Variants in SLC30A10 observed in about 807,000 individuals in gnomAD.
SLC30A10 encodes the protein calcium/manganese antiporter SLC30A10.
Under a neutral mutation model 21.7 loss-of-function variants are expected in SLC30A10, and 8 were observed. That is an observed-to-expected ratio of 0.37 (90% CI 0.22 to 0.67). SLC30A10 has a LOEUF of 0.67. SLC30A10 is among the 30% of genes least tolerant of loss of function. The probability of loss-of-function intolerance (pLI) is 0.58; values close to 1 mark genes in which losing one functional copy is unlikely to be tolerated. For missense variants in SLC30A10, 521 were observed against 642.5 expected, an observed-to-expected ratio of 0.81 and a Z score of 2.04; for synonymous variants, 272 against 279.4, an observed-to-expected ratio of 0.97 and a Z score of 0.26.
intron 1 of SLC30A10, among the ~76,000 whole-genome samples, chr1:219,935,735 A>G (rs1316392510): frequency 6.6e-6 from 1 of 152,224 alleles, no homozygotes. Flanking sequence ...GTCATACCCA[A>G]AACTATTGTT....
chr1:219,923,069 G>C (rs546155537), intron 2 of SLC30A10, among the ~76,000 whole-genome samples: 6 of 152,144 alleles, frequency 3.9e-5, no homozygotes, highest in African/African-American at 1.4e-4. Flanking sequence ...GTGAAGAGAA[G>C]GGCAGAAATG....
At chr1:219,939,703 C>G (rs1014038735) in intron 1 of SLC30A10, among the ~76,000 whole-genome samples, 1 of 152,212 alleles carries the variant, frequency 6.6e-6, no homozygotes, top group African/African-American at 2.4e-5. Context: ...GCTGGGATTA[C>G]AGGTGTGAGC....
rs758904804 is a variant in SLC30A10, at chr1:219,928,087, G to A, written c.354C>T (p.Ile118=). 9.5e-6 allele frequency: 15 copies of A among 1,586,414 alleles called. No homozygotes were observed. The East Asian group carries it at 2.8e-4, about 30-fold the overall frequency. The part of the protein sequence containing the change: ...ERIDDPELVL[I]VGVLGLLVNV... ...TGACCAACAGCCCCAGGACGCCGAC[G>A]ATGAGCACCAGCTCGGGGTCATCGA... Residue 118 remains isoleucine, a synonymous_variant, in exon 1 of 4, where the codon ATC becomes ATT. Coordinates refer to ENST00000366926, the MANE Select transcript of SLC30A10 (RefSeq NM_018713.3). This position sits in a 1 kb window ranked among gnomAD's most constrained non-coding sequence, Gnocchi z 6.3.
chr1:219,939,357 C>A (rs1381390911), intron 1 of SLC30A10, among the ~76,000 whole-genome samples: 2 of 152,202 alleles, frequency 1.3e-5, no homozygotes, highest in Admixed American at 6.5e-5. Flanking sequence ...TTGGGGAATA[C>A]AACAGTTATT....
chr1:219,925,651 A>ATATATATATCTTTTTTTTT (rs1317554458), intron 2 of SLC30A10, among the ~76,000 whole-genome samples: 1 of 48,284 alleles, frequency 2.1e-5, no homozygotes, highest in African/African-American at 1.2e-4. Flanking sequence ...ATATATATAT[A>ATATATATATCTTTTTTTTT]TTTTTTTTTT....
At chr1:219,940,873 A>G (rs1498385) in intron 1 of SLC30A10, among the ~76,000 whole-genome samples, 24,609 of 152,158 alleles carry the variant, frequency 0.16, 3,606 homozygotes, top group African/African-American at 0.39. Flanking sequence ...CAGAGAGGTG[A>G]GGGTTGATCA....
intron 2 of SLC30A10, among the ~76,000 whole-genome samples, chr1:219,921,216 G>A (rs1013787627): frequency 6.6e-6 from 1 of 152,194 alleles, no homozygotes; most frequent in Non-Finnish European, 1.5e-5. Context: ...CTGGAGTGAT[G>A]AGTCCCGGAA....
rs116545696 is a variant in SLC30A10, at chr1:219,941,111, C to T, written n.81-14006G>A. On this transcript the variant is annotated intron_variant and non_coding_transcript_variant, in intron 1 of 8. Transcript: ENST00000484239. ...CCATTAACAACCTAACTGAGCCTTC[C>T]TGAGAGGAGAAGGAGAACACAGAAG... Among the ~76,000 whole-genome samples, 629 of 152,304 alleles carry T rather than the reference C, an allele frequency of 4.1e-3. 4 individuals are homozygous for T. Among genetic ancestry groups the T allele is most frequent in the African/African-American group, 0.014 (601 of 41,546 alleles).
At chr1:219,932,705 C>CT (rs58052957), upstream of SLC30A10, among the ~76,000 whole-genome samples, 6,195 of 64,928 alleles carry the variant, frequency 0.095, 1,277 homozygotes, top group East Asian at 0.2. Flanking sequence ...AGTAACCATT[C>CT]TTTTTTTTTT....
chr1:219,947,400 GCA>G (rs1660200562), intron 1 of SLC30A10, among the ~76,000 whole-genome samples: 1 of 152,068 alleles, frequency 6.6e-6, no homozygotes, highest in Non-Finnish European at 1.5e-5. Flanking sequence ...GGTATGGTTG[GCA>G]GGCACCTGTG....
chr1:219,912,790 C>G lies in SLC30A10; in HGVS notation c.*2659G>C, dbSNP rs903836504. Among the ~76,000 whole-genome samples, 1 of 151,960 alleles carries G rather than the reference C, an allele frequency of 6.6e-6. No individual in the cohort carries two copies. The highest frequency in any genetic ancestry group is 6.6e-5 in the Admixed American group (1 of 15,250). ...CAGAGCTTGCAGTGAGCCGAGATAG[C>G]ACCACTGCACTCCAGCCTGGGCGAC... On this transcript the variant is annotated 3_prime_UTR_variant, in exon 4 of 4. Coordinates refer to ENST00000366926, the MANE Select transcript of SLC30A10 (RefSeq NM_018713.3).
chr1:219,946,912 T>C (rs1044372519), intron 1 of SLC30A10, among the ~76,000 whole-genome samples: 1 of 152,210 alleles, frequency 6.6e-6, no homozygotes, highest in African/African-American at 2.4e-5. Context: ...ATGAATGAAG[T>C]TGTTTATTGG....
chr1:219,912,661 G>A lies in SLC30A10; in HGVS notation c.*2788C>T, dbSNP rs201845320. Reference sequence around the variant, plus strand: ...CATCCTGGCTAACATGGTGAAACCCGGTCTCTACTAAAAATACAAAAAATT... The same window carrying A: ...CATCCTGGCTAACATGGTGAAACCCAGTCTCTACTAAAAATACAAAAAATT... On this transcript the variant is annotated 3_prime_UTR_variant, in exon 4 of 4. Transcript: ENST00000366926. 1.3e-5 allele frequency among the ~76,000 whole-genome samples: 2 copies of A among 151,916 alleles called. No homozygotes were observed. Among genetic ancestry groups the A allele is most frequent in the Admixed American group, 6.6e-5 (1 of 15,234 alleles).
At chr1:219,933,221 G>C (rs531033688), upstream of SLC30A10, among the ~76,000 whole-genome samples, 1 of 151,896 alleles carries the variant, frequency 6.6e-6, no homozygotes, top group Non-Finnish European at 1.5e-5. Flanking sequence ...TCACCCAAAC[G>C]CCACCTCCAT....
At chr1:219,945,936 A>C (rs761135821) in intron 1 of SLC30A10, among the ~76,000 whole-genome samples, 1 of 152,152 alleles carries the variant, frequency 6.6e-6, no homozygotes, top group Admixed American at 6.6e-5. Context: ...AGGAACTCCA[A>C]CTCCACCAGG....
At chr1:219,919,776 CA>C (rs34386881) in intron 2 of SLC30A10, among the ~76,000 whole-genome samples, 51,586 of 114,388 alleles carry the variant, frequency 0.45, 9,386 homozygotes, top group African/African-American at 0.51. Flanking sequence ...AACTCTGTCT[CA>C]AAAAAAAAAA....
At chr1:219,921,872 AGTGTGTGTGTGTGT>A (rs72517767) in intron 2 of SLC30A10, among the ~76,000 whole-genome samples, 3 of 139,404 alleles carry the variant, frequency 2.2e-5, no homozygotes, top group African/African-American at 2.8e-5. Flanking sequence ...GGTGTCTCTG[AGTGTGTGTGTGTGT>A]GTGTGTGTGT....
rs1300345696 is a variant in SLC30A10, at chr1:219,910,947, C to A, written c.*4502G>T. On this transcript the variant is annotated 3_prime_UTR_variant, in exon 4 of 4. Transcript: ENST00000366926. ...TTACATTGAGGATTATCTTTCAATGCAATTTCCACTTGAGAAACTAAATTC... is the reference window on the plus strand; with the variant it reads ...TTACATTGAGGATTATCTTTCAATGAAATTTCCACTTGAGAAACTAAATTC... Among the ~76,000 whole-genome samples, 1 of 152,184 alleles carries A rather than the reference C, an allele frequency of 6.6e-6. No individual in the cohort carries two copies. Among genetic ancestry groups the A allele is most frequent in the Admixed American group, 6.5e-5 (1 of 15,282 alleles).
chr1:219,955,997 T>C (rs1294806637), intron 1 of SLC30A10, among the ~76,000 whole-genome samples: 2 of 152,194 alleles, frequency 1.3e-5, no homozygotes, highest in Admixed American at 6.5e-5. Context: ...ATTTATGACG[T>C]TCGTCTGATG....
Sources: gnomAD v4.1 joint callset for allele counts (sites outside exome capture counted in the v4.1 genomes callset) on GRCh38, gnomAD v4.1.1 for gene constraint, Gnocchi (gnomAD v3.1) non-coding constraint, MANE v1.5 for transcripts, NCBI Gene and HGNC (gene_info 2026-07-23, HGNC 2026-07-21) for gene names.